The following ASCC3 variants were observed in gnomAD, a reference collection of about 807,000 sequenced individuals.
The protein encoded by ASCC3 is activating signal cointegrator 1 complex subunit 3.
ASCC3 carries 158 observed loss-of-function variants against 256.3 expected under a neutral mutation model. That is an observed-to-expected ratio of 0.62 (90% CI 0.54 to 0.70). The LOEUF (loss-of-function observed/expected upper bound fraction) is 0.70, where lower values mean the gene tolerates loss of function less well. Ranked by LOEUF, ASCC3 falls within the 30% of genes least tolerant of loss-of-function variation. The pLI is 0.00. For synonymous variants in ASCC3, 948 were observed against 883.4 expected (o/e 1.07, Z -1.30); for missense variants, 2,259 against 2,626.0 (o/e 0.86, Z 3.05).
chr6:100,742,158 T>C (rs886844028), intron 10 of ASCC3, among the ~76,000 whole-genome samples: 2 of 152,160 alleles, frequency 1.3e-5, no homozygotes, highest in East Asian at 1.9e-4. Context: ...CTCCAGATCC[T>C]AGTTGGCTCA....
At position 100,767,274 on chromosome 6, in the gene ASCC3, G is replaced by A. The variant is rs201166961; in HGVS notation, c.1467C>T (p.Tyr489=). The A allele has an allele frequency of 1.4e-5, 23 of 1,613,822 alleles. No homozygotes were observed. The Admixed American group carries it at 2.7e-4, about 19-fold the overall frequency. The change falls in exon 9 of 42, where the codon TAC becomes TAT. Residue 489 remains tyrosine, a synonymous_variant. Coordinates refer to ENST00000369162, the MANE Select transcript of ASCC3 (RefSeq NM_006828.4). The part of the protein sequence containing the change: ...RIQSIVFETA[Y]NTNENMLICA... ...AAATCAGCATGTTCTCATTGGTGTTGTAGGCAGTCTCAAACACTATTGACT... is the reference window on the plus strand; with the variant it reads ...AAATCAGCATGTTCTCATTGGTGTTATAGGCAGTCTCAAACACTATTGACT...
At chr6:100,574,394 C>T (rs576983749) in intron 36 of ASCC3, among the ~76,000 whole-genome samples, 3 of 151,930 alleles carry the variant, frequency 2.0e-5, no homozygotes, top group Non-Finnish European at 4.4e-5. Context: ...AAAAGGTTCC[C>T]GGGAGATATA....
rs1242427475 is a variant in ASCC3 at position 100,800,451 on chromosome 6, C to T, written c.976G>A (p.Val326Ile). Reference sequence around the variant, plus strand: ...TTTTCTTGTTCAGACTGAATAGTGACTTGACAACCATAATTGGGTTTAGCA... The same window carrying T: ...TTTTCTTGTTCAGACTGAATAGTGATTTGACAACCATAATTGGGTTTAGCA... The part of the protein sequence containing the change: ...ENAKPNYGCQ[V>I]TIQSEQEKQL... The change falls in exon 6 of 42, where the codon GTC (valine) becomes ATC (isoleucine). Residue 326 changes from valine to isoleucine, a missense_variant. By Grantham distance (29) the Val-to-Ile change is conservative (BLOSUM62 3). Coordinates refer to ENST00000369162, the MANE Select transcript of ASCC3 (RefSeq NM_006828.4). The T allele has an allele frequency of 1.2e-6, 2 of 1,612,234 alleles. No homozygotes were observed. The highest frequency in any genetic ancestry group is 1.7e-6 in the Non-Finnish European group (2 of 1,179,132).
intron 4 of ASCC3, among the ~76,000 whole-genome samples, chr6:100,833,837 G>T (rs1293157235): frequency 6.6e-6 from 1 of 152,176 alleles, no homozygotes; most frequent in Non-Finnish European, 1.5e-5. Context: ...CAGCACTTTG[G>T]TAGACCCAGG....
At chr6:100,613,809 T>C (rs901136034) in intron 30 of ASCC3, among the ~76,000 whole-genome samples, 22 of 152,124 alleles carry the variant, frequency 1.4e-4, no homozygotes, top group African/African-American at 5.3e-4. Context: ...CGTGTAAGAG[T>C]TCCCTTTCCC....
At chr6:100,724,066 T>G (rs1287415622) in intron 11 of ASCC3, among the ~76,000 whole-genome samples, 2 of 145,528 alleles carry the variant, frequency 1.4e-5, no homozygotes, top group Non-Finnish European at 3.0e-5. Flanking sequence ...GACGGAGTCT[T>G]AGAGAACATA....
chr6:100,627,217 C>T (rs1774285126), intron 29 of ASCC3, among the ~76,000 whole-genome samples: 1 of 152,034 alleles, frequency 6.6e-6, no homozygotes, highest in South Asian at 2.1e-4. Context: ...TACTAAAGTA[C>T]TGAAATTTCT....
intron 13 of ASCC3, among the ~76,000 whole-genome samples, chr6:100,708,921 A>G (rs1778737334): frequency 6.6e-6 from 1 of 151,976 alleles, no homozygotes; most frequent in African/African-American, 2.4e-5. Context: ...TACATGTGTT[A>G]TTGCAATCGT....
chr6:100,563,578 G>A (rs867884291), intron 36 of ASCC3, among the ~76,000 whole-genome samples: 51 of 152,168 alleles, frequency 3.4e-4, no homozygotes, highest in African/African-American at 1.1e-3. Flanking sequence ...GGCATTCCTC[G>A]CACGTGGATT....
At chr6:100,838,073 A>T (rs1211867281) in intron 4 of ASCC3, among the ~76,000 whole-genome samples, 1 of 152,108 alleles carries the variant, frequency 6.6e-6, no homozygotes, top group Non-Finnish European at 1.5e-5. Flanking sequence ...TGACCAAAAA[A>T]GTTTTTAAAA....
chr6:100,608,105 T>TATGTATATATAGATATATATACATATAC (rs1562161087), intron 30 of ASCC3, among the ~76,000 whole-genome samples: 18 of 128,958 alleles, frequency 1.4e-4, no homozygotes, highest in African/African-American at 5.2e-4. Flanking sequence ...TACACATATA[T>TATGTATATATAGATATATATACATATAC]ATGTATATAT....
chr6:100,860,545 T>C (rs11963911), intron 3 of ASCC3, among the ~76,000 whole-genome samples: 48,705 of 151,486 alleles, frequency 0.32, 8,786 homozygotes, highest in African/African-American at 0.48. Context: ...AGTTGGATTC[T>C]CTATACTTCA....
chr6:100,728,855 G>A (rs1000439523), intron 10 of ASCC3, among the ~76,000 whole-genome samples: 1 of 152,054 alleles, frequency 6.6e-6, no homozygotes, highest in Non-Finnish European at 1.5e-5. Flanking sequence ...TGTTTATGGG[G>A]GCATATGTTA....
intron 14 of ASCC3, among the ~76,000 whole-genome samples, chr6:100,671,259 T>A (rs1776729736): frequency 6.6e-6 from 1 of 152,082 alleles, no homozygotes; most frequent in Non-Finnish European, 1.5e-5. Flanking sequence ...TTGTTTACTA[T>A]AAGATGCCTG....
intron 36 of ASCC3, among the ~76,000 whole-genome samples, chr6:100,577,858 T>C (rs1770957494): frequency 6.6e-6 from 1 of 152,050 alleles, no homozygotes; most frequent in African/African-American, 2.4e-5. Context: ...ACAATAAATA[T>C]ATTTTTTGAT....
At chr6:100,603,925 C>A (rs2114800846) in intron 33 of ASCC3, among the ~76,000 whole-genome samples, 1 of 152,032 alleles carries the variant, frequency 6.6e-6, no homozygotes, top group Admixed American at 6.6e-5. Context: ...GTTTTGGTAT[C>A]CAAGTTGTTC....
In ASCC3 at chr6:100,589,687, TG is replaced by T. The variant is rs1241315634; in HGVS notation, c.5496del (p.Phe1832LeufsTer5). ...CTGCATTCAGGCTTCAAGCGGTCCTTGAACATTTTAACTGTTTGATGCTTCA... is the reference window on the plus strand; with the variant it reads ...CTGCATTCAGGCTTCAAGCGGTCCTTAACATTTTAACTGTTTGATGCTTCA... The part of the protein sequence containing the change: ...YYLKHQTVKM[F>X]KDRLKPECST... On this transcript the variant is annotated frameshift_variant, in exon 36 of 42. Transcript: ENST00000369162. LOFTEE classifies it high-confidence loss of function. 6.2e-7 allele frequency: 1 copy of T among 1,613,798 alleles called. No individual in the cohort carries two copies. Among genetic ancestry groups the T allele is most frequent in the South Asian group, 1.1e-5 (1 of 91,074 alleles).
chr6:100,872,411 A>G lies in ASCC3; in HGVS notation c.-41-4373T>C, dbSNP rs114168784. ...CGGTAATGAGGTCACATTGTTACAA[A>G]CTACAGTAACTGAAAACTTTAAAGC... On this transcript the variant is annotated intron_variant, in intron 1 of 41. Coordinates refer to ENST00000369162, the MANE Select transcript of ASCC3 (RefSeq NM_006828.4). 4.8e-3 allele frequency among the ~76,000 whole-genome samples: 707 copies of G among 147,884 alleles called. 8 individuals carry two copies. Among genetic ancestry groups the G allele is most frequent in the African/African-American group, 0.017 (683 of 40,168 alleles).
intron 37 of ASCC3, among the ~76,000 whole-genome samples, chr6:100,539,786 T>C (rs1335374728): frequency 1.3e-5 from 2 of 152,144 alleles, no homozygotes; most frequent in Non-Finnish European, 1.5e-5. Flanking sequence ...TTTTAAAAAA[T>C]AGCAGTTATT....
Sources: gnomAD v4.1 joint callset for allele counts (sites outside exome capture counted in the v4.1 genomes callset) on GRCh38, gnomAD v4.1.1 for gene constraint, MANE v1.5 for transcripts, NCBI Gene and HGNC (gene_info 2026-07-23, HGNC 2026-07-21) for gene names.